RNF182: variants seen among roughly 807,000 people sequenced by gnomAD.
RNF182 encodes ring finger protein 182, also known as E3 ubiquitin-protein ligase RNF182.
Under a neutral mutation model 14.4 loss-of-function variants are expected in RNF182, and 15 were observed. The ratio of observed to expected loss-of-function variants is 1.04; its 90% CI spans 0.70 to 1.60. The LOEUF is 1.60. Ranked by LOEUF, RNF182 falls within the 40% of genes most tolerant of loss-of-function variation. RNF182 has a pLI of 0.00. For missense variants in RNF182, 268 were observed against 294.8 expected (o/e 0.91, Z 0.67); for synonymous variants, 128 against 122.9 (o/e 1.04, Z -0.27).
chr6:13,925,154 C>G (rs1046648734), intron 1 of RNF182, 131 bp downstream of exon 1: 7 of 137,864 alleles, frequency 5.1e-5, no homozygotes, highest in African/African-American at 1.9e-4. Context: ...GAGGGGGCGG[C>G]AAACTTCGGG....
At chr6:13,972,768 G>A (rs1239949656) in intron 1 of RNF182, among the ~76,000 whole-genome samples, 1 of 152,198 alleles carries the variant, frequency 6.6e-6, no homozygotes, top group Non-Finnish European at 1.5e-5. Context: ...GTATGGAAAT[G>A]CCTGGACGTC....
At chr6:13,966,864 GCTCT>G (rs1760046285) in intron 1 of RNF182, among the ~76,000 whole-genome samples, 1 of 146,876 alleles carries the variant, frequency 6.8e-6, no homozygotes, top group Non-Finnish European at 1.5e-5. Context: ...TTTCAAACAT[GCTCT>G]CTCTGTTGCC....
intron 1 of RNF182, among the ~76,000 whole-genome samples, chr6:13,958,169 C>T (rs1337161796): frequency 1.3e-5 from 2 of 151,874 alleles, no homozygotes; most frequent in Admixed American, 6.6e-5. Flanking sequence ...AGGCAGATCA[C>T]GAGGTCAAGA....
At chr6:13,945,881 T>C (rs280154) in intron 1 of RNF182, among the ~76,000 whole-genome samples, 122,810 of 151,946 alleles carry the variant, frequency 0.81, 50,751 homozygotes, top group Middle Eastern at 0.91. Context: ...ATAAAGAATT[T>C]GAGGTGAGTC....
chr6:13,971,035 A>C (rs898733251), intron 1 of RNF182, among the ~76,000 whole-genome samples: 1 of 152,070 alleles, frequency 6.6e-6, no homozygotes, highest in Admixed American at 6.6e-5. Flanking sequence ...ACCCCGGTCA[A>C]GAAGAGAGCA....
intron 1 of RNF182, among the ~76,000 whole-genome samples, chr6:13,962,562 A>G (rs1437319059): frequency 6.6e-6 from 1 of 152,244 alleles, no homozygotes; most frequent in African/African-American, 2.4e-5. Flanking sequence ...AGAAGCAGGT[A>G]TTTAGCACCA....
chr6:13,963,245 G>A (rs1561785247), intron 1 of RNF182, among the ~76,000 whole-genome samples: 1 of 152,192 alleles, frequency 6.6e-6, no homozygotes. Context: ...CTTGCAAGAT[G>A]TATGGATTGG....
At chr6:13,934,798 G>A (rs1188959843) in intron 1 of RNF182, among the ~76,000 whole-genome samples, 1 of 149,206 alleles carries the variant, frequency 6.7e-6, no homozygotes, top group Non-Finnish European at 1.5e-5. Flanking sequence ...TAATGCAAAT[G>A]AGTGGATGAG....
intron 1 of RNF182, among the ~76,000 whole-genome samples, chr6:13,966,349 G>A (rs1168848932): frequency 1.3e-5 from 2 of 152,186 alleles, no homozygotes; most frequent in Admixed American, 6.5e-5. Context: ...ATCAAGTGAG[G>A]AGGAAAGAAT....
intron 1 of RNF182, among the ~76,000 whole-genome samples, chr6:13,960,778 T>C (rs1206355940): frequency 6.6e-6 from 1 of 152,196 alleles, no homozygotes; most frequent in Non-Finnish European, 1.5e-5. Context: ...TTTGAAATTG[T>C]AGAAATGGTA....
intron 1 of RNF182, among the ~76,000 whole-genome samples, chr6:13,951,673 T>C (rs895055060): frequency 6.6e-6 from 1 of 152,210 alleles, no homozygotes; most frequent in African/African-American, 2.4e-5. Context: ...TCCTACCTTT[T>C]TGCCAGCATG....
chr6:13,959,842 T>A (rs1316988562), intron 1 of RNF182, among the ~76,000 whole-genome samples: 1 of 152,172 alleles, frequency 6.6e-6, no homozygotes, highest in Admixed American at 6.6e-5. Context: ...ATGGAGGTAC[T>A]GTAAGCCCTC....
chr6:13,943,587 C>T (rs1419116999), intron 1 of RNF182, among the ~76,000 whole-genome samples: 2 of 152,096 alleles, frequency 1.3e-5, no homozygotes, highest in Non-Finnish European at 2.9e-5. Context: ...CATGCCTGTC[C>T]CCCTCTGTGA....
intron 1 of RNF182, among the ~76,000 whole-genome samples, chr6:13,973,354 T>C (rs534899564): frequency 2.6e-5 from 4 of 152,218 alleles, no homozygotes; most frequent in Admixed American, 6.5e-5. Flanking sequence ...AGTTAAGACA[T>C]TGGGGGACTG....
At chr6:13,954,381 T>G (rs1298025493) in intron 1 of RNF182, among the ~76,000 whole-genome samples, 2 of 152,218 alleles carry the variant, frequency 1.3e-5, no homozygotes, top group Non-Finnish European at 2.9e-5. Flanking sequence ...AGAATTAGAA[T>G]CCAAACAAGG....
chr6:13,930,581 G>A (rs1758944629), intron 1 of RNF182, among the ~76,000 whole-genome samples: 1 of 152,140 alleles, frequency 6.6e-6, no homozygotes, highest in Admixed American at 6.5e-5. Context: ...TGTTCTTACT[G>A]TCTCCATAGA....
At chr6:13,940,836 T>G (rs964797830) in intron 1 of RNF182, among the ~76,000 whole-genome samples, 12 of 152,134 alleles carry the variant, frequency 7.9e-5, no homozygotes, top group Admixed American at 7.2e-4. Context: ...TGACCATAAG[T>G]TATTAGACAT....
rs147801349 is a variant in RNF182, at chr6:13,974,961, G to T, written c.-212+597G>T. Among the ~76,000 whole-genome samples, 676 of 152,336 alleles carry T rather than the reference G, an allele frequency of 4.4e-3. 5 individuals carry two copies. The highest frequency in any genetic ancestry group is 0.014 in the Middle Eastern group (4 of 294). On this transcript the variant is annotated intron_variant, in intron 2 of 2. Coordinates refer to ENST00000488300, the MANE Select transcript of RNF182 (RefSeq NM_152737.4). ...CTTCCTAACCTCTGGATTCAGGAGAGCATTACATCTGGGTGGGCATGTAGC... is the reference window on the plus strand; with the variant it reads ...CTTCCTAACCTCTGGATTCAGGAGATCATTACATCTGGGTGGGCATGTAGC...
At chr6:13,943,785 G>T (rs865981783) in intron 1 of RNF182, among the ~76,000 whole-genome samples, 1 of 152,188 alleles carries the variant, frequency 6.6e-6, no homozygotes, top group Non-Finnish European at 1.5e-5. Flanking sequence ...AGAGACCTCA[G>T]TGTTACCGGA....
Sources: allele counts gnomAD v4.1 joint callset (sites outside exome capture counted in the v4.1 genomes callset), GRCh38; gene constraint gnomAD v4.1.1; transcripts MANE v1.5; gene names NCBI Gene and HGNC (gene_info 2026-07-23, HGNC 2026-07-21).